Variants in ANO4 observed in about 807,000 individuals in gnomAD.
ANO4 encodes the protein anoctamin-4.
ANO4 carries 69 observed loss-of-function variants against 141.9 expected under a neutral mutation model. The observed-to-expected ratio is 0.49, with a 90% CI of 0.40 to 0.59. The LOEUF is 0.59. Ranked by LOEUF, ANO4 falls within the 20% of genes least tolerant of loss-of-function variation. The probability of loss-of-function intolerance (pLI) is 0.00; values close to 1 mark genes in which losing one functional copy is unlikely to be tolerated. For synonymous variants in ANO4, 350 were observed against 394.3 expected, an observed-to-expected ratio of 0.89 and a Z score of 1.33; for missense variants, 894 against 1,162.2, an observed-to-expected ratio of 0.77 and a Z score of 3.36.
At chr12:100,982,810 A>T (rs950950683) in intron 7 of ANO4, among the ~76,000 whole-genome samples, 3 of 152,256 alleles carry the variant, frequency 2.0e-5, no homozygotes, top group African/African-American at 7.2e-5. Flanking sequence ...ACTAAAGGTT[A>T]TCATTAATTC....
intron 1 of ANO4, among the ~76,000 whole-genome samples, chr12:100,887,507 C>A (rs2039894681): frequency 6.7e-6 from 1 of 148,604 alleles, no homozygotes; most frequent in Non-Finnish European, 1.5e-5. Context: ...CCAAATGACC[C>A]TGGGTTTCTT....
intron 1 of ANO4, among the ~76,000 whole-genome samples, chr12:100,799,871 G>A (rs2034576424): frequency 1.3e-5 from 2 of 152,290 alleles, no homozygotes; most frequent in South Asian, 2.1e-4. Flanking sequence ...TTAGTGTAAG[G>A]TGCATTCATT....
intron 9 of ANO4, among the ~76,000 whole-genome samples, chr12:101,030,447 A>G (rs751916452): frequency 1.1e-4 from 17 of 152,164 alleles, no homozygotes; most frequent in South Asian, 2.1e-4. Context: ...AAGAGACAAC[A>G]TACCAGAATC....
At chr12:101,040,984 T>C (rs192038530) in intron 11 of ANO4, among the ~76,000 whole-genome samples, 129 of 152,336 alleles carry the variant, frequency 8.5e-4, no homozygotes, top group Non-Finnish European at 2.6e-4. Flanking sequence ...TGTGTAAATA[T>C]ATGTGTGTGT....
rs1463149041 is a variant in ANO4, at chr12:101,080,883, T to TTATATATATATATATATATATA, written c.1395+1626_1395+1627insTATATATATATATATATATATA. ...GGTTCTAGATATATATATATATATATTATATATATATATATATACATACAC... is the reference window on the plus strand; with the variant it reads ...GGTTCTAGATATATATATATATATATTATATATATATATATATATATATATATATATATATATATACATACAC... On this transcript the variant is annotated intron_variant, in intron 15 of 27. Transcript: ENST00000392977. Among the ~76,000 whole-genome samples, 7 of 74,098 alleles carry TTATATATATATATATATATATA rather than the reference T, an allele frequency of 9.4e-5. 1 individual carries two copies. Among genetic ancestry groups the TTATATATATATATATATATATA allele is most frequent in the Admixed American group, 1.8e-4 (1 of 5,704 alleles). 48.6% of individuals were successfully genotyped at this position (74,098 alleles called of 152,430 possible).
intron 7 of ANO4, among the ~76,000 whole-genome samples, chr12:100,978,083 T>C (rs2044285351): frequency 6.6e-6 from 1 of 152,218 alleles, no homozygotes; most frequent in African/African-American, 2.4e-5. Context: ...ATTAGAATCC[T>C]ATGGCCCCAT....
intron 1 of ANO4, among the ~76,000 whole-genome samples, chr12:100,805,236 T>G (rs2034933138): frequency 6.6e-6 from 1 of 152,048 alleles, no homozygotes; most frequent in Admixed American, 6.6e-5. Flanking sequence ...GTTTGTCAGG[T>G]TTTTTCAAAG....
intron 14 of ANO4, among the ~76,000 whole-genome samples, chr12:101,053,697 T>A (rs1319169660): frequency 2.0e-5 from 3 of 152,240 alleles, no homozygotes; most frequent in Admixed American, 6.5e-5. Flanking sequence ...CTACTCCAGT[T>A]ATGACCCCAT....
At chr12:100,892,718 G>T (rs1372969569) in intron 1 of ANO4, among the ~76,000 whole-genome samples, 1 of 151,778 alleles carries the variant, frequency 6.6e-6, no homozygotes, top group Non-Finnish European at 1.5e-5. Context: ...CAATGTAAAT[G>T]ATATGTAAAT....
At chr12:100,979,079 T>C (rs897650351) in intron 7 of ANO4, among the ~76,000 whole-genome samples, 2 of 151,910 alleles carry the variant, frequency 1.3e-5, no homozygotes, top group Non-Finnish European at 2.9e-5. Context: ...ATTAATGGGA[T>C]GGGGGAGACC....
chr12:101,031,565 T>C (rs554112013), intron 9 of ANO4, among the ~76,000 whole-genome samples: 1 of 152,150 alleles, frequency 6.6e-6, no homozygotes, highest in African/African-American at 2.4e-5. Context: ...CATCATAGTA[T>C]TGGAAGTTCT....
chr12:100,954,543 C>T (rs766906958), intron 5 of ANO4, among the ~76,000 whole-genome samples: 2 of 152,084 alleles, frequency 1.3e-5, no homozygotes, highest in South Asian at 2.1e-4. Flanking sequence ...AAGTTCTGGT[C>T]GCAGCTTCTC....
In ANO4 at chr12:100,765,384, T is replaced by TTC. The variant is rs1281097595; in HGVS notation, c.358+25280_358+25281insCT. 4.4e-3 allele frequency among the ~76,000 whole-genome samples: 657 copies of TTC among 148,022 alleles called. 7 individuals carry two copies. The highest frequency in any genetic ancestry group is 0.015 in the African/African-American group (626 of 40,534). On this transcript the variant is annotated intron_variant, in intron 3 of 29. Transcript: ENST00000644049. The stretch of plus-strand genomic sequence containing the variant: ...TGTTTATATTTTCTTTCTTTCTTTT[T>TTC]TTTTTTTTTTTTGAGACAGGGTTCT...
chr12:100,827,941 T>C (rs1441165060), intron 1 of ANO4, among the ~76,000 whole-genome samples: 1 of 152,004 alleles, frequency 6.6e-6, no homozygotes, highest in Non-Finnish European at 1.5e-5. Context: ...AGGTTTTCAG[T>C]GGTGTGGGGC....
At chr12:100,940,872 G>T (rs4764773) in intron 4 of ANO4, among the ~76,000 whole-genome samples, 1 of 152,010 alleles carries the variant, frequency 6.6e-6, no homozygotes, top group Non-Finnish European at 1.5e-5. Context: ...CAGCAAGCCC[G>T]AAGAGCCTGG....
intron 2 of ANO4, among the ~76,000 whole-genome samples, chr12:100,913,398 C>T (rs2041198850): frequency 6.6e-6 from 1 of 152,130 alleles, no homozygotes; most frequent in South Asian, 2.1e-4. Context: ...TTAAGTACAG[C>T]AATGTGCCCC....
In ANO4 at chr12:100,958,867, A is replaced by G. The variant is rs1201746789; in HGVS notation, c.457-12439A>G. 2.6e-5 allele frequency among the ~76,000 whole-genome samples: 4 copies of G among 152,146 alleles called. No homozygotes were observed. In the East Asian group the frequency reaches 7.7e-4, roughly 29 times the overall value. On this transcript the variant is annotated intron_variant, in intron 5 of 27. Transcript: ENST00000392977. ...GTCTCAAAAAAACAAACAAACAAAC[A>G]AAAAAGAAGGTGATAAATGACATGG...
intron 1 of ANO4, among the ~76,000 whole-genome samples, chr12:100,885,707 C>T (rs1036803394): frequency 6.6e-6 from 1 of 152,164 alleles, no homozygotes; most frequent in African/African-American, 2.4e-5. Context: ...TACATGCTAA[C>T]CATTGTTGCT....
At chr12:101,035,485 A>G (rs1195817751) in intron 9 of ANO4, among the ~76,000 whole-genome samples, 2 of 152,196 alleles carry the variant, frequency 1.3e-5, no homozygotes, top group African/African-American at 4.8e-5. Flanking sequence ...CTTATGTCGA[A>G]ACATCTAATT....
Sources: allele counts gnomAD v4.1 joint callset (sites outside exome capture counted in the v4.1 genomes callset), GRCh38; gene constraint gnomAD v4.1.1; transcripts MANE v1.5; gene names NCBI Gene and HGNC (gene_info 2026-07-23, HGNC 2026-07-21).